Variants in AGAP1 observed in about 807,000 individuals in gnomAD.
The protein encoded by AGAP1 is ArfGAP with GTPase domain, ankyrin repeat and PH domain 1.
AGAP1 carries 29 observed loss-of-function variants against 105.3 expected under a neutral mutation model. The ratio of observed to expected loss-of-function variants is 0.28; its 90% confidence interval spans 0.21 to 0.38. The LOEUF (loss-of-function observed/expected upper bound fraction) is 0.38, where lower values mean the gene tolerates loss of function less well. Among genes scored for constraint, AGAP1 ranks in the 10% least tolerant of loss-of-function variants. AGAP1 has a pLI of 1.00. For missense variants in AGAP1, 998 were observed against 1,165.1 expected, an observed-to-expected ratio of 0.86 and a Z score of 2.09; for synonymous variants, 509 against 485.9, an observed-to-expected ratio of 1.05 and a Z score of -0.63.
chr2:235,763,605 G>A lies in AGAP1; in HGVS notation c.673+13117G>A, dbSNP rs549708557. ...GTGTCCACATCCTTCAGAATGTTAAGGCTTTGAATCCTTGGTGTTGACTGG... is the reference window on the plus strand; with the variant it reads ...GTGTCCACATCCTTCAGAATGTTAAAGCTTTGAATCCTTGGTGTTGACTGG... On this transcript the variant is annotated intron_variant, in intron 6 of 17. Transcript: ENST00000304032. 1.0e-3 allele frequency among the ~76,000 whole-genome samples: 154 copies of A among 152,282 alleles called. 3 individuals carry two copies. Among genetic ancestry groups the A allele is most frequent in the Middle Eastern group, 6.8e-3 (2 of 294 alleles).
intron 1 of AGAP1, among the ~76,000 whole-genome samples, chr2:235,597,634 AC>A (rs1277703237): frequency 6.6e-6 from 1 of 152,178 alleles, no homozygotes; most frequent in Non-Finnish European, 1.5e-5. Flanking sequence ...CCCTCGAATG[AC>A]ATGGATTTGT....
In AGAP1 at chr2:236,121,456, A is replaced by G. The variant is rs1328952582; in HGVS notation, c.2370+1009A>G. Among the ~76,000 whole-genome samples, 1 of 152,052 alleles carries G rather than the reference A, an allele frequency of 6.6e-6. No homozygotes were observed. Among genetic ancestry groups the G allele is most frequent in the African/African-American group, 2.4e-5 (1 of 41,394 alleles). The stretch of plus-strand genomic sequence containing the variant: ...GCTGGGATTACAGGTGCGCACCACC[A>G]CGCCCAGCTAATTTTTGTATTTTTA... On this transcript the variant is annotated intron_variant, in intron 17 of 17. Transcript: ENST00000304032. This position sits in a 1 kb window ranked among gnomAD's most constrained non-coding sequence, Gnocchi z 4.9.
Position 235,893,186 on chromosome 2 carries a change from G to A in AGAP1, c.1155+9737G>A, listed in dbSNP as rs188310410. ...TAAGGGAGCGCTGTGTCTTTGGCGCGGGTGTGGCGTGGGTGTGCCATGTCC... is the reference window on the plus strand; with the variant it reads ...TAAGGGAGCGCTGTGTCTTTGGCGCAGGTGTGGCGTGGGTGTGCCATGTCC... On this transcript the variant is annotated intron_variant, in intron 10 of 17. Coordinates refer to ENST00000304032, the MANE Select transcript of AGAP1 (RefSeq NM_001037131.3). This position sits in a 1 kb window ranked among gnomAD's most constrained non-coding sequence, Gnocchi z 4.7. Among the ~76,000 whole-genome samples the A allele has an allele frequency of 2.0e-4, 30 of 151,766 alleles. No individual in the cohort carries two copies. The highest frequency in any genetic ancestry group is 5.1e-4 in the African/African-American group (21 of 41,378).
rs999018516 is a variant in AGAP1, at chr2:235,919,949, G to A, written c.1325-10816G>A. ...ATGGCGCTCTCCATAAACACTGTCG[G>A]AATCTGGAGCAGCACGTGTTCCTTC... On this transcript the variant is annotated intron_variant, in intron 11 of 17. Transcript: ENST00000304032. This position sits in a 1 kb window ranked among gnomAD's most constrained non-coding sequence, Gnocchi z 4.1. 7.9e-5 allele frequency among the ~76,000 whole-genome samples: 12 copies of A among 152,206 alleles called. No homozygotes were observed. Among genetic ancestry groups the A allele is most frequent in the African/African-American group, 2.9e-4 (12 of 41,452 alleles).
intron 1 of AGAP1, among the ~76,000 whole-genome samples, chr2:235,626,316 C>T (rs1006796181): frequency 6.6e-6 from 1 of 152,188 alleles, no homozygotes; most frequent in South Asian, 2.1e-4. Context: ...CAAGATCACG[C>T]CACTGTACTC....
At position 236,062,250 on chromosome 2, in the gene AGAP1, A is replaced by C. The variant is rs2058218687; in HGVS notation, c.2114+12969A>C. ...CCTCTTGGAATCCGCACAGCAAACCAATGCCATTCTTTCCTTTTCCTGGGC... is the reference window on the plus strand; with the variant it reads ...CCTCTTGGAATCCGCACAGCAAACCCATGCCATTCTTTCCTTTTCCTGGGC... On this transcript the variant is annotated intron_variant, in intron 16 of 17. Transcript: ENST00000304032. The surrounding 1 kb of genome is among the most constrained non-coding windows in gnomAD (Gnocchi z 4.2). Among the ~76,000 whole-genome samples, 1 of 152,178 alleles carries C rather than the reference A, an allele frequency of 6.6e-6. No homozygotes were observed. The highest frequency in any genetic ancestry group is 2.4e-5 in the African/African-American group (1 of 41,524).
chr2:235,700,885 A>G lies in AGAP1; in HGVS notation c.164-8294A>G, dbSNP rs1231564024. On this transcript the variant is annotated intron_variant, in intron 1 of 17. Transcript: ENST00000304032. This position sits in a 1 kb window ranked among gnomAD's most constrained non-coding sequence, Gnocchi z 6.1. ...ACTCTACATAGTATATATTTATAAT[A>G]TATGTATATAATGTATAATATATGC... Among the ~76,000 whole-genome samples, 2 of 147,962 alleles carry G rather than the reference A, an allele frequency of 1.4e-5. No homozygotes were observed. Among genetic ancestry groups the G allele is most frequent in the African/African-American group, 2.5e-5 (1 of 40,656 alleles).
intron 1 of AGAP1, among the ~76,000 whole-genome samples, chr2:235,704,238 C>G (rs1007232033): frequency 6.6e-6 from 1 of 152,244 alleles, no homozygotes. Flanking sequence ...TTTCACATTT[C>G]TCAGAAATTC....
rs377662751 is a variant in AGAP1 at position 236,036,646 on chromosome 2, C to T, written c.1731C>T (p.Asp577=). Residue 577 remains aspartate, a synonymous_variant, in exon 14 of 18, where the codon GAC becomes GAT. Transcript: ENST00000304032. The surrounding 1 kb of genome is among the most constrained non-coding windows in gnomAD (Gnocchi z 5.7). ...AAGCCACGACGTATGAGGAGCGGGA[C>T]GCCTGGGTCCAAGCCATCGAGAGCC... ...HFEATTYEER[D]AWVQAIESQI... is the part of the protein sequence containing the mutation. The T allele has an allele frequency of 3.6e-5, 58 of 1,614,188 alleles. 1 individual carries two copies. The South Asian group carries it at 5.3e-4, about 15-fold the overall frequency.
rs1398519521 is a variant in AGAP1 at position 236,056,495 on chromosome 2, CTG to C, written c.2114+7218_2114+7219del. ...CCAGGTGCCCTGACCACGTTCAAGCCTGTGTCTACTTGTGGGAGTGTATGAAG... is the reference window on the plus strand; with the variant it reads ...CCAGGTGCCCTGACCACGTTCAAGCCTGTCTACTTGTGGGAGTGTATGAAG... On this transcript the variant is annotated intron_variant, in intron 16 of 17. Coordinates refer to ENST00000304032, the MANE Select transcript of AGAP1 (RefSeq NM_001037131.3). The surrounding 1 kb of genome is among the most constrained non-coding windows in gnomAD (Gnocchi z 4.6). 6.6e-6 allele frequency among the ~76,000 whole-genome samples: 1 copy of C among 152,222 alleles called. No individual in the cohort carries two copies. The highest frequency in any genetic ancestry group is 1.5e-5 in the Non-Finnish European group (1 of 68,042).
intron 1 of AGAP1, among the ~76,000 whole-genome samples, chr2:235,685,604 G>T (rs1172730413): frequency 6.6e-6 from 1 of 151,870 alleles, no homozygotes; most frequent in Non-Finnish European, 1.5e-5. Context: ...CTGGACAGCC[G>T]AAGGCCCATG....
In AGAP1 at chr2:236,090,550, CG is replaced by C; in HGVS notation, c.2115-29637del. Among the ~76,000 whole-genome samples the C allele has an allele frequency of 6.6e-6, 1 of 152,196 alleles. No homozygotes were observed. Among genetic ancestry groups the C allele is most frequent in the African/African-American group, 2.4e-5 (1 of 41,532 alleles). On this transcript the variant is annotated intron_variant, in intron 16 of 17. Coordinates refer to ENST00000304032, the MANE Select transcript of AGAP1 (RefSeq NM_001037131.3). This position sits in a 1 kb window ranked among gnomAD's most constrained non-coding sequence, Gnocchi z 4.3. ...CGGGCTTTGCCAAGCGAGTGAGAGGCGGGGGTCGGAGGGAGGCCTTCCTCCT... is the reference window on the plus strand; with the variant it reads ...CGGGCTTTGCCAAGCGAGTGAGAGGCGGGGTCGGAGGGAGGCCTTCCTCCT...
At chr2:235,671,051 C>T in intron 1 of AGAP1, 6 of 1,281,494 alleles carry the variant, frequency 4.7e-6, no homozygotes, top group East Asian at 3.1e-5. Flanking sequence ...CGGCTCCCCG[C>T]GCAGAGGTGG....
chr2:235,749,567 C>T (rs577746093), intron 5 of AGAP1, among the ~76,000 whole-genome samples: 1 of 152,038 alleles, frequency 6.6e-6, no homozygotes, highest in African/African-American at 2.4e-5. Flanking sequence ...CCTCCCACCC[C>T]TCTAGGCCTC....
At chr2:235,617,294 T>C (rs1303296338) in intron 1 of AGAP1, among the ~76,000 whole-genome samples, 1 of 152,248 alleles carries the variant, frequency 6.6e-6, no homozygotes, top group Admixed American at 6.5e-5. Flanking sequence ...TTACTTTTTC[T>C]ACAAACAATT....
At chr2:236,064,738 G>A (rs923895091) in intron 16 of AGAP1, among the ~76,000 whole-genome samples, 3 of 152,322 alleles carry the variant, frequency 2.0e-5, no homozygotes, top group South Asian at 2.1e-4. Flanking sequence ...TAAACAGCAC[G>A]TGAAAAGACC....
intron 6 of AGAP1, among the ~76,000 whole-genome samples, chr2:235,797,386 C>T (rs1346261199): frequency 6.6e-6 from 1 of 151,994 alleles, no homozygotes; most frequent in Non-Finnish European, 1.5e-5. Context: ...CCTCGTGTTC[C>T]ACAGTGCTGC....
chr2:235,819,967 G>C (rs533654963), intron 9 of AGAP1, among the ~76,000 whole-genome samples: 2 of 147,028 alleles, frequency 1.4e-5, no homozygotes, highest in Non-Finnish European at 3.0e-5. Flanking sequence ...GCAATGGTGC[G>C]ATCTCAGCTC....
intron 3 of AGAP1, among the ~76,000 whole-genome samples, chr2:235,727,439 G>A (rs1016641128): frequency 1.3e-5 from 2 of 152,130 alleles, no homozygotes; most frequent in African/African-American, 4.8e-5. Flanking sequence ...TAAAGGAGAA[G>A]CACCTGGGGT....
Sources: allele counts gnomAD v4.1 joint callset (sites outside exome capture counted in the v4.1 genomes callset), GRCh38; gene constraint gnomAD v4.1.1; non-coding constraint Gnocchi (gnomAD v3.1); transcripts MANE v1.5; gene names NCBI Gene and HGNC (gene_info 2026-07-23, HGNC 2026-07-21).